Variants in DNAH8 observed in about 807,000 individuals in gnomAD.
DNAH8 encodes the protein axonemal beta dynein heavy chain 8.
DNAH8 carries 382 observed loss-of-function variants against 562.1 expected under a neutral mutation model. The ratio of observed to expected loss-of-function variants is 0.68; its 90% CI spans 0.63 to 0.74. The LOEUF is 0.74. Among genes scored for constraint, DNAH8 ranks in the 30% least tolerant of loss-of-function variants. DNAH8 has a pLI of 0.00. For missense variants in DNAH8, 5,203 were observed against 5,620.4 expected (o/e 0.93, Z 2.37); for synonymous variants, 1,881 against 1,919.4 (o/e 0.98, Z 0.52).
chr6:38,929,588 G>A lies in DNAH8; in HGVS notation c.11196G>A (p.Glu3732=). The change falls in exon 75 of 93, where the codon GAG becomes GAA. Residue 3732 remains glutamate, a synonymous_variant. Transcript: ENST00000327475. ...SLSLGRPLLI[E]DIHEELDPAL... ...CCTTGGGCCGACCCCTTCTCATTGA[G>A]GACATTCATGAAGAGCTGGATCCAG... 1.2e-6 allele frequency: 2 copies of A among 1,611,434 alleles called. No individual in the cohort carries two copies. Among genetic ancestry groups the A allele is most frequent in the South Asian group, 1.1e-5 (1 of 90,968 alleles).
chr6:38,824,923 C>T (rs1356604417), intron 28 of DNAH8, among the ~76,000 whole-genome samples: 2 of 151,998 alleles, frequency 1.3e-5, no homozygotes, highest in South Asian at 2.1e-4. Flanking sequence ...GCATCAGTGG[C>T]AATAATTACA....
Position 38,770,462 on chromosome 6 carries a change from G to A in DNAH8, c.1667G>A (p.Arg556Lys), listed in dbSNP as rs1247188381. The change falls in exon 12 of 93, where the codon AGG becomes AAG. Residue 556 changes from arginine (R) to lysine (K), a missense_variant. This residue lies in a region of DNAH8 where 2,176 missense variants were observed against 2,365.1 expected (regional missense o/e 0.92). Coordinates refer to ENST00000327475, the MANE Select transcript of DNAH8 (RefSeq NM_001206927.2). ...KEYQASFHKTRKLISESSGEK... is the reference protein window; with the variant it reads ...KEYQASFHKTKKLISESSGEK... The stretch of plus-strand genomic sequence containing the variant: ...TATCAGGCATCTTTTCATAAAACAA[G>A]GAAACTGATTTCAGAATCCTCAGGG... 3 of 1,607,116 alleles carry A rather than the reference G, an allele frequency of 1.9e-6. No homozygotes were observed. Among genetic ancestry groups the A allele is most frequent in the Non-Finnish European group, 2.6e-6 (3 of 1,176,030 alleles).
At chr6:38,916,784 G>A (rs1467810012) in intron 68 of DNAH8, among the ~76,000 whole-genome samples, 3 of 152,112 alleles carry the variant, frequency 2.0e-5, no homozygotes, top group Non-Finnish European at 2.9e-5. Flanking sequence ...GTTTTTATGA[G>A]CCATATATTA....
intron 8 of DNAH8, among the ~76,000 whole-genome samples, chr6:38,746,297 C>G (rs1183970142): frequency 1.3e-5 from 2 of 152,114 alleles, no homozygotes; most frequent in Non-Finnish European, 2.9e-5. Context: ...ATCGGGAAAT[C>G]TTTCAGGTTG....
rs1398641585 is a variant in DNAH8 at position 38,715,328 on chromosome 6, C to G, written c.-122C>G. Reference sequence around the variant, plus strand: ...TCAGCCTCGTTCCGGGCCGCGGAGGCCGGAGCAGCTCCCCCGGGGCAGCGC... The same window carrying G: ...TCAGCCTCGTTCCGGGCCGCGGAGGGCGGAGCAGCTCCCCCGGGGCAGCGC... On this transcript the variant is annotated 5_prime_UTR_variant, in exon 1 of 93. Coordinates refer to ENST00000327475, the MANE Select transcript of DNAH8 (RefSeq NM_001206927.2). 6.6e-6 allele frequency: 1 copy of G among 152,278 alleles called. No homozygotes were observed. 9.4% of individuals were successfully genotyped at this position (152,278 alleles called of 1,614,324 possible).
intron 1 of DNAH8, among the ~76,000 whole-genome samples, chr6:38,717,164 C>T (rs111905908): frequency 0.013 from 2,018 of 152,200 alleles, 44 homozygotes; most frequent in African/African-American, 0.043. Flanking sequence ...ATGAGCTGTG[C>T]TCACATGACT....
intron 83 of DNAH8, among the ~76,000 whole-genome samples, chr6:38,972,312 T>A (rs975163668): frequency 6.6e-6 from 1 of 152,184 alleles, no homozygotes; most frequent in African/African-American, 2.4e-5. Context: ...TGTACAAACT[T>A]TGGTGCAGCT....
chr6:38,875,905 A>G (rs1777959531), intron 53 of DNAH8, 77 bp downstream of exon 53: 1 of 865,676 alleles, frequency 1.2e-6, no homozygotes, highest in Admixed American at 2.3e-5. Flanking sequence ...AAACTCTTCT[A>G]TGAGAGAATA....
intron 58 of DNAH8, 76 bp downstream of exon 58, chr6:38,890,837 A>G: frequency 1.0e-6 from 1 of 997,460 alleles, no homozygotes; most frequent in African/African-American, 1.6e-5. Flanking sequence ...TGGCTCATTA[A>G]GTTATCATAA....
chr6:38,815,279 T>C (rs1772142348), intron 25 of DNAH8, among the ~76,000 whole-genome samples, 189 bp from the exon 26 acceptor site: 1 of 152,170 alleles, frequency 6.6e-6, no homozygotes, highest in South Asian at 2.1e-4. Flanking sequence ...CAGGAATCGA[T>C]AGCGGGAAAA....
chr6:38,883,598 C>A, intron 55 of DNAH8, 142 bp downstream of exon 55: 1 of 1,026,382 alleles, frequency 9.7e-7, no homozygotes, highest in Non-Finnish European at 1.3e-6. Context: ...AGCTGTTTAG[C>A]TTTCCTAAGG....
intron 1 of DNAH8, among the ~76,000 whole-genome samples, chr6:38,720,850 A>C (rs538983692): frequency 3.0e-5 from 1 of 33,488 alleles, no homozygotes; most frequent in East Asian, 2.9e-4. Context: ...ATAACACACA[A>C]AAAAAATTCA....
rs187025003 is a variant in DNAH8, at chr6:38,938,582, A to G, written c.11817-216A>G. On this transcript the variant is annotated intron_variant, in intron 78 of 92. Coordinates refer to ENST00000327475, the MANE Select transcript of DNAH8 (RefSeq NM_001206927.2). ...ATAGAGGAGAACAACAGACACTGTG[A>G]CCTGTCAGAGAGTGGAGGGTGGGAG... Among the ~76,000 whole-genome samples the G allele has an allele frequency of 1.5e-3, 221 of 152,286 alleles. 1 individual carries two copies. The highest frequency in any genetic ancestry group is 5.1e-3 in the African/African-American group (212 of 41,562).
At chr6:38,826,890 T>A (rs1773379032) in intron 29 of DNAH8, among the ~76,000 whole-genome samples, 1 of 152,226 alleles carries the variant, frequency 6.6e-6, no homozygotes, top group Non-Finnish European at 1.5e-5. Flanking sequence ...AGTTTTCTAT[T>A]GCTGCTATAA....
chr6:38,793,635 G>A (rs140401694), intron 21 of DNAH8, among the ~76,000 whole-genome samples: 1 of 151,988 alleles, frequency 6.6e-6, no homozygotes, highest in African/African-American at 2.4e-5. Context: ...TACATTAATT[G>A]TAACTATTAA....
At chr6:38,899,600 G>A (rs1348455464) in intron 61 of DNAH8, among the ~76,000 whole-genome samples, 176 bp from the exon 62 acceptor site, 1 of 152,196 alleles carries the variant, frequency 6.6e-6, no homozygotes, top group Non-Finnish European at 1.5e-5. Flanking sequence ...GGAAAGATTC[G>A]AGCTGAACAA....
Position 38,786,937 on chromosome 6 carries a change from C to A in DNAH8, c.2568C>A (p.Asp856Glu). ...AATTGGAAAGTAAATTGAAAGCAGA[C>A]AAACTGTATTTGCAGGTAAGATAGA... is the stretch of plus-strand genomic sequence containing the variant. ...LLKLESKLKA[D>E]KLYLQGLLQY... is the part of the protein sequence containing the mutation. The change falls in exon 18 of 93, where the codon GAC (aspartate) becomes GAA (glutamate). Residue 856 changes from aspartate (D) to glutamate (E), a missense_variant. By Grantham distance (45) the Asp-to-Glu change is conservative. This residue lies in a region of DNAH8 where 2,176 missense variants were observed against 2,365.1 expected (regional missense o/e 0.92). Transcript: ENST00000327475. 1.9e-6 allele frequency: 3 copies of A among 1,605,832 alleles called. No homozygotes were observed. Among genetic ancestry groups the A allele is most frequent in the Non-Finnish European group, 2.5e-6 (3 of 1,176,692 alleles).
At chr6:38,725,619 G>A (rs1473682530) in intron 3 of DNAH8, among the ~76,000 whole-genome samples, 3 of 152,186 alleles carry the variant, frequency 2.0e-5, no homozygotes, top group Non-Finnish European at 4.4e-5. Context: ...GCAACCGGAA[G>A]TAGGTTGTGG....
At chr6:38,738,254 A>G (rs948520377) in intron 7 of DNAH8, among the ~76,000 whole-genome samples, 1 of 152,336 alleles carries the variant, frequency 6.6e-6, no homozygotes, top group Non-Finnish European at 1.5e-5. Flanking sequence ...TTTATCCCCA[A>G]TAATGTTTAA....
Sources: allele counts gnomAD v4.1 joint callset (sites outside exome capture counted in the v4.1 genomes callset), GRCh38; gene constraint gnomAD v4.1.1; regional missense constraint gnomAD v4.1.1; transcripts MANE v1.5; gene names NCBI Gene and HGNC (gene_info 2026-07-23, HGNC 2026-07-21).